The following NCAM2 variants were observed in gnomAD, a reference collection of about 807,000 sequenced individuals.
The protein encoded by NCAM2 is neural cell adhesion molecule 2.
Under a neutral mutation model 98.1 loss-of-function variants are expected in NCAM2, and 30 were observed. The observed-to-expected ratio is 0.31, with a 90% CI of 0.23 to 0.41. The LOEUF (loss-of-function observed/expected upper bound fraction) is 0.41. NCAM2 is among the 10% of genes least tolerant of loss of function. The pLI is 1.00. For missense variants in NCAM2, 867 were observed against 1,005.8 expected (o/e 0.86, Z 1.87); for synonymous variants, 368 against 342.4 (o/e 1.07, Z -0.83).
At chr21:21,512,966 G>A (rs901677113) in intron 16 of NCAM2, among the ~76,000 whole-genome samples, 4 of 151,978 alleles carry the variant, frequency 2.6e-5, no homozygotes, top group Admixed American at 6.6e-5. Context: ...ATATTTGTTA[G>A]TTCTAATAGT....
At chr21:21,153,987 TATAA>T (rs775177523) in intron 1 of NCAM2, among the ~76,000 whole-genome samples, 2 of 151,916 alleles carry the variant, frequency 1.3e-5, no homozygotes, top group Non-Finnish European at 2.9e-5. Context: ...TGATTAAGTT[TATAA>T]ATGAGATAGA....
At chr21:21,181,776 G>T (rs2096880) in intron 1 of NCAM2, among the ~76,000 whole-genome samples, 15 of 151,448 alleles carry the variant, frequency 9.9e-5, no homozygotes, top group African/African-American at 2.4e-4. Flanking sequence ...CTCTTCCTTC[G>T]TTTTTTTTCC....
intron 5 of NCAM2, among the ~76,000 whole-genome samples, chr21:21,312,739 G>T (rs1249409728): frequency 6.6e-6 from 1 of 151,654 alleles, no homozygotes; most frequent in African/African-American, 2.4e-5. Context: ...CATAAAAATG[G>T]GTTGAAAAAC....
At chr21:21,166,384 T>G (rs1245235031) in intron 1 of NCAM2, among the ~76,000 whole-genome samples, 1 of 152,176 alleles carries the variant, frequency 6.6e-6, no homozygotes, top group African/African-American at 2.4e-5. Context: ...ATTTTTGTAT[T>G]TTTAGTGGAG....
chr21:21,201,310 A>G (rs144684864), intron 1 of NCAM2, among the ~76,000 whole-genome samples: 230 of 152,288 alleles, frequency 1.5e-3, no homozygotes, highest in Middle Eastern at 6.8e-3. Flanking sequence ...CAAGATCATG[A>G]TTTTCAGTTA....
chr21:21,423,959 G>A (rs976273279), intron 11 of NCAM2, among the ~76,000 whole-genome samples: 1 of 152,010 alleles, frequency 6.6e-6, no homozygotes, highest in Admixed American at 6.6e-5. Context: ...CCGATCTACT[G>A]GTCTGTGTAC....
At chr21:21,279,347 A>G (rs767625345) in intron 1 of NCAM2, among the ~76,000 whole-genome samples, 11 of 151,930 alleles carry the variant, frequency 7.2e-5, no homozygotes, top group Admixed American at 1.3e-4. Flanking sequence ...GTCCAGTGTT[A>G]TCTGGTGTTC....
chr21:21,018,100 C>T (rs1037721831), intron 1 of NCAM2, among the ~76,000 whole-genome samples: 2 of 152,168 alleles, frequency 1.3e-5, no homozygotes, highest in Non-Finnish European at 2.9e-5. Flanking sequence ...ACATTGGACT[C>T]ATTATTCACA....
intron 10 of NCAM2, among the ~76,000 whole-genome samples, chr21:21,415,614 C>A (rs1230793747): frequency 6.6e-6 from 1 of 152,108 alleles, no homozygotes; most frequent in Non-Finnish European, 1.5e-5. Flanking sequence ...GGATTACAGG[C>A]GTGAGCCACC....
chr21:21,040,870 C>T (rs912541267), intron 1 of NCAM2, among the ~76,000 whole-genome samples: 1 of 151,998 alleles, frequency 6.6e-6, no homozygotes, highest in East Asian at 1.9e-4. Flanking sequence ...CTGTCGGTGA[C>T]TCTAGTTAAC....
At chr21:21,494,397 G>A (rs76421605) in intron 15 of NCAM2, among the ~76,000 whole-genome samples, 6,196 of 151,558 alleles carry the variant, frequency 0.041, 192 homozygotes, top group South Asian at 0.09. Flanking sequence ...TTGGTCAGGT[G>A]GGGGCTTAAA....
intron 1 of NCAM2, among the ~76,000 whole-genome samples, chr21:21,104,432 A>G (rs77745114): frequency 0.035 from 5,296 of 152,264 alleles, 136 homozygotes; most frequent in Admixed American, 0.068. Context: ...ATGCTAACAC[A>G]TCGATAACTT....
intron 16 of NCAM2, among the ~76,000 whole-genome samples, chr21:21,509,804 A>G (rs1988246075): frequency 6.6e-6 from 1 of 152,212 alleles, no homozygotes; most frequent in African/African-American, 2.4e-5. Context: ...AATATGATCA[A>G]TGCAAAAAAT....
At chr21:21,436,367 C>T (rs1978331020) in intron 12 of NCAM2, among the ~76,000 whole-genome samples, 1 of 152,194 alleles carries the variant, frequency 6.6e-6, no homozygotes. Flanking sequence ...CCCTGAACCA[C>T]TTACAACATA....
At chr21:21,101,248 G>A (rs2066234568) in intron 1 of NCAM2, among the ~76,000 whole-genome samples, 1 of 151,818 alleles carries the variant, frequency 6.6e-6, no homozygotes, top group Admixed American at 6.6e-5. Flanking sequence ...TCCATAAGCT[G>A]TAAACATAAT....
At chr21:21,388,385 G>A (rs1191069165) in intron 9 of NCAM2, among the ~76,000 whole-genome samples, 5 of 152,138 alleles carry the variant, frequency 3.3e-5, no homozygotes, top group Non-Finnish European at 5.9e-5. Context: ...GCAAATGTAG[G>A]AAAAGTACAT....
intron 1 of NCAM2, among the ~76,000 whole-genome samples, chr21:21,215,732 AAAAT>A (rs199830244): frequency 6.5e-4 from 79 of 121,538 alleles, no homozygotes; most frequent in Admixed American, 1.9e-3. Flanking sequence ...CCATTTCAAA[AAAAT>A]AAATAAATAA....
chr21:21,336,421 G>C (rs529564511), intron 7 of NCAM2, among the ~76,000 whole-genome samples: 3 of 151,846 alleles, frequency 2.0e-5, no homozygotes, highest in Non-Finnish European at 2.9e-5. Flanking sequence ...GTTGTGGGGT[G>C]GGGGGAGTGG....
chr21:21,302,577 G>A (rs374313636), intron 5 of NCAM2, among the ~76,000 whole-genome samples: 27 of 152,192 alleles, frequency 1.8e-4, no homozygotes, highest in African/African-American at 6.5e-4. Context: ...CACTCAGAAG[G>A]CTATTATTAA....
Sources: allele counts gnomAD v4.1 joint callset (sites outside exome capture counted in the v4.1 genomes callset), GRCh38; gene constraint gnomAD v4.1.1; transcripts MANE v1.5; gene names NCBI Gene and HGNC (gene_info 2026-07-23, HGNC 2026-07-21).